The following RYR2 variants were observed in gnomAD, a reference collection of about 807,000 sequenced individuals.
RYR2 encodes the protein cardiac muscle ryanodine receptor-calcium release channel.
Under a neutral mutation model 601.1 loss-of-function variants are expected in RYR2, and 227 were observed. That is an observed-to-expected ratio of 0.38 (90% CI 0.34 to 0.42). RYR2 has a LOEUF of 0.42. RYR2 is among the 10% of genes least tolerant of loss of function. The pLI is 1.00. For missense variants in RYR2, 4,646 were observed against 6,156.5 expected, an observed-to-expected ratio of 0.75 and a Z score of 8.21; for synonymous variants, 2,223 against 2,175.1, an observed-to-expected ratio of 1.02 and a Z score of -0.61.
At chr1:237,446,233 C>T (rs1369529098) in intron 14 of RYR2, among the ~76,000 whole-genome samples, 1 of 152,224 alleles carries the variant, frequency 6.6e-6, no homozygotes, top group East Asian at 1.9e-4. Context: ...TATCTATAGA[C>T]TAAATTAAAC....
At chr1:237,558,365 A>G (rs1196055033) in intron 27 of RYR2, among the ~76,000 whole-genome samples, 1 of 152,194 alleles carries the variant, frequency 6.6e-6, no homozygotes. Context: ...AGAGAGCAGT[A>G]AAGATGTGTT....
chr1:237,137,016 C>CAAAAAAAA (rs1167110660), intron 1 of RYR2, among the ~76,000 whole-genome samples: 1 of 41,188 alleles, frequency 2.4e-5, no homozygotes. Context: ...GACTCCATCT[C>CAAAAAAAA]AAAAAAAAAA....
chr1:237,469,964 C>G (rs956486514), intron 17 of RYR2, among the ~76,000 whole-genome samples: 8 of 152,324 alleles, frequency 5.3e-5, no homozygotes, highest in African/African-American at 1.9e-4. Flanking sequence ...GTTATTTGAA[C>G]TTGTTAGAGC....
intron 17 of RYR2, among the ~76,000 whole-genome samples, 162 bp downstream of exon 17, chr1:237,469,349 C>A (rs1052640568): frequency 2.0e-5 from 3 of 149,226 alleles, no homozygotes; most frequent in Non-Finnish European, 4.4e-5. Flanking sequence ...AGGAGGATCA[C>A]TTGAGGCTAG....
intron 3 of RYR2, among the ~76,000 whole-genome samples, chr1:237,348,628 T>TTC (rs1463900421): frequency 1.3e-5 from 2 of 152,190 alleles, no homozygotes. Context: ...AGGTACATCT[T>TTC]TTCTGGAGGA....
intron 1 of RYR2, among the ~76,000 whole-genome samples, chr1:237,125,058 C>G (rs1671257021): frequency 6.6e-6 from 1 of 152,148 alleles, no homozygotes; most frequent in African/African-American, 2.4e-5. Flanking sequence ...GTAATGTCTC[C>G]CTCTACTGGC....
intron 3 of RYR2, among the ~76,000 whole-genome samples, chr1:237,354,380 A>G (rs1352746044): frequency 6.6e-6 from 1 of 151,912 alleles, no homozygotes; most frequent in African/African-American, 2.4e-5. Flanking sequence ...TGAATGTCTG[A>G]CATGCAGAAG....
In RYR2 at chr1:237,233,520, C is replaced by T. The variant is rs115427210; in HGVS notation, c.49-36977C>T. On this transcript the variant is annotated intron_variant, in intron 1 of 104. Coordinates refer to ENST00000366574, the MANE Select transcript of RYR2 (RefSeq NM_001035.3). The stretch of plus-strand genomic sequence containing the variant: ...TTCTTGATGGACCCTTTTTAGGTGA[C>T]TTTTTATACTCTGTTTTTCTTGAGT... Among the ~76,000 whole-genome samples the T allele has an allele frequency of 7.0e-3, 1,058 of 152,030 alleles. 11 individuals are homozygous for T. The highest frequency in any genetic ancestry group is 0.024 in the African/African-American group (1,001 of 41,458).
At chr1:237,172,760 T>A (rs1677562292) in intron 1 of RYR2, among the ~76,000 whole-genome samples, 2 of 152,316 alleles carry the variant, frequency 1.3e-5, no homozygotes, top group Non-Finnish European at 2.9e-5. Context: ...CATCTGGTTA[T>A]GAATGTGACT....
chr1:237,742,270 C>CTT lies in RYR2; in HGVS notation c.11092-12_11092-11dup, dbSNP rs397516499. On this transcript the variant is annotated intron_variant, in intron 79 of 104. Transcript: ENST00000366574. ...TAAAATCTCAACATATTCCTGTCTC[C>CTT]TTTTTTTTTTTTTTTAAATATACAG... The CTT allele has an allele frequency of 4.4e-3, 5,137 of 1,178,502 alleles. 29 individuals carry two copies. The highest frequency in any genetic ancestry group is 0.036 in the African/African-American group (2,147 of 59,836). 73.0% of individuals were successfully genotyped at this position (1,178,502 alleles called of 1,614,324 possible). A position where few individuals can be genotyped will look rare whatever the true frequency, so the allele number is the denominator to read the frequency against.
At chr1:237,652,772 T>C (rs765681680) in intron 51 of RYR2, among the ~76,000 whole-genome samples, 2 of 152,160 alleles carry the variant, frequency 1.3e-5, no homozygotes, top group Non-Finnish European at 2.9e-5. Flanking sequence ...CTGTTACCCT[T>C]ATGCAATAAA....
At position 237,306,332 on chromosome 1, in the gene RYR2, A is replaced by T. The variant is rs1173196038; in HGVS notation, c.169-24546A>T. Among the ~76,000 whole-genome samples the T allele has an allele frequency of 2.6e-5, 4 of 152,292 alleles. 1 individual carries two copies. The highest frequency in any genetic ancestry group is 6.8e-3 in the Middle Eastern group (2 of 294). Reference sequence around the variant, plus strand: ...AAACATCAAATACATGAGTTCATGTATTTTTATCCTTGGATTGGTCAATGA... The same window carrying T: ...AAACATCAAATACATGAGTTCATGTTTTTTTATCCTTGGATTGGTCAATGA... On this transcript the variant is annotated intron_variant, in intron 2 of 104. Transcript: ENST00000366574.
rs146351287 is a variant in RYR2, at chr1:237,415,331, A to G, written c.774-1718A>G. 2.3e-3 allele frequency among the ~76,000 whole-genome samples: 347 copies of G among 152,296 alleles called. 4 individuals are homozygous for G. The highest frequency in any genetic ancestry group is 8.2e-3 in the African/African-American group (341 of 41,578). ...AAAATCACTGCTGTGGACACTGGTT[A>G]TTGATGGCAAAAACTGCAATAACTT... On this transcript the variant is annotated intron_variant, in intron 10 of 104. Coordinates refer to ENST00000366574, the MANE Select transcript of RYR2 (RefSeq NM_001035.3).
intron 17 of RYR2, among the ~76,000 whole-genome samples, chr1:237,488,831 C>G (rs1311860482): frequency 2.6e-5 from 4 of 152,196 alleles, no homozygotes; most frequent in Admixed American, 1.3e-4. Context: ...CGCCTGCACT[C>G]AGGTGAAATA....
chr1:237,397,161 G>A (rs957377268), intron 10 of RYR2, among the ~76,000 whole-genome samples: 3 of 151,776 alleles, frequency 2.0e-5, no homozygotes, highest in East Asian at 1.9e-4. Flanking sequence ...TCGCTTGAAC[G>A]CAGGAGGTGG....
intron 1 of RYR2, among the ~76,000 whole-genome samples, chr1:237,248,267 ACCCCCCGCAACCCCGCCCCCCCC>A (rs1687074949): frequency 3.5e-5 from 2 of 57,354 alleles, no homozygotes; most frequent in Non-Finnish European, 6.4e-5. Context: ...GCAAGACTCC[ACCCCCCGCAACCCCGCCCCCCCC>A]CCCCCCCCCA....
intron 2 of RYR2, among the ~76,000 whole-genome samples, chr1:237,274,998 C>T (rs1450866450): frequency 6.6e-6 from 1 of 151,762 alleles, no homozygotes; most frequent in East Asian, 1.9e-4. Flanking sequence ...ATAAGATCAC[C>T]TGATGACACA....
intron 10 of RYR2, among the ~76,000 whole-genome samples, chr1:237,415,613 T>A (rs1306457601): frequency 1.3e-5 from 2 of 152,194 alleles, no homozygotes; most frequent in Non-Finnish European, 2.9e-5. Flanking sequence ...TGGCCAAATC[T>A]AGAATGTAGA....
intron 1 of RYR2, among the ~76,000 whole-genome samples, chr1:237,102,769 C>T (rs1668256866): frequency 1.3e-5 from 2 of 152,076 alleles, no homozygotes; most frequent in Non-Finnish European, 2.9e-5. Context: ...GCAGGAGAAT[C>T]GCTTGAACCT....
Sources: allele counts gnomAD v4.1 joint callset (sites outside exome capture counted in the v4.1 genomes callset), GRCh38; gene constraint gnomAD v4.1.1; transcripts MANE v1.5; gene names NCBI Gene and HGNC (gene_info 2026-07-23, HGNC 2026-07-21).